The following UBE2D2 variants were observed in gnomAD, a reference collection of about 807,000 sequenced individuals.
UBE2D2 encodes the protein ubiquitin conjugating enzyme E2 D2.
In UBE2D2, 2 loss-of-function variants were observed where a neutral mutation model predicts 24.2. The ratio of observed to expected loss-of-function variants is 0.08; its 90% CI spans 0.03 to 0.26. The LOEUF (loss-of-function observed/expected upper bound fraction) is 0.26. UBE2D2 is among the 10% of genes least tolerant of loss of function. UBE2D2 has a pLI of 1.00. For synonymous variants in UBE2D2, 58 were observed against 56.5 expected (o/e 1.03, Z -0.12); for missense variants, 44 against 177.6 (o/e 0.25, Z 4.28).
At chr5:139,595,461 C>A (rs1753939048) in intron 1 of UBE2D2, among the ~76,000 whole-genome samples, 1 of 152,032 alleles carries the variant, frequency 6.6e-6, no homozygotes, top group African/African-American at 2.4e-5. Flanking sequence ...TCACTACAAC[C>A]TCTGCCTCCT....
chr5:139,574,341 C>G (rs560221862), intron 1 of UBE2D2, among the ~76,000 whole-genome samples: 1 of 150,576 alleles, frequency 6.6e-6, no homozygotes, highest in South Asian at 2.1e-4. Flanking sequence ...TACTATAATA[C>G]ATATTAGTAA....
chr5:139,550,436 C>G (rs552571087), intron 1 of UBE2D2, among the ~76,000 whole-genome samples: 3 of 152,208 alleles, frequency 2.0e-5, no homozygotes, highest in South Asian at 2.1e-4. Context: ...CCAATCAGCG[C>G]TCTGTAAAAT....
intron 1 of UBE2D2, among the ~76,000 whole-genome samples, chr5:139,578,452 G>A (rs1753528847): frequency 6.6e-6 from 1 of 151,812 alleles, no homozygotes; most frequent in African/African-American, 2.4e-5. Flanking sequence ...GTGTGTGTGT[G>A]TGTGTGTGTG....
At chr5:139,624,035 G>A (rs898223735) in intron 6 of UBE2D2, among the ~76,000 whole-genome samples, 2 of 152,098 alleles carry the variant, frequency 1.3e-5, no homozygotes, top group Admixed American at 6.5e-5. Context: ...AATGCCTTAT[G>A]CTTGGCTTTT....
Position 139,598,919 on chromosome 5 carries a change from C to CTTT in UBE2D2, c.25-1429_25-1427dup, listed in dbSNP as rs36027909. ...TCAGTCAGCCTTTTAAAATATATTC[C>CTTT]TTTTTTTTTTTTTTTTTTTTTTTTT... On this transcript the variant is annotated intron_variant, in intron 1 of 6. Coordinates refer to ENST00000398733, the MANE Select transcript of UBE2D2 (RefSeq NM_003339.3). 5.6e-4 allele frequency among the ~76,000 whole-genome samples: 43 copies of CTTT among 76,228 alleles called. 4 individuals are homozygous for CTTT. The highest frequency in any genetic ancestry group is 1.1e-3 in the African/African-American group (15 of 13,968). 50.0% of individuals were successfully genotyped at this position (76,228 alleles called of 152,430 possible).
intron 1 of UBE2D2, among the ~76,000 whole-genome samples, chr5:139,587,604 C>T (rs906071531): frequency 1.3e-4 from 18 of 136,376 alleles, no homozygotes; most frequent in Non-Finnish European, 1.2e-4. Flanking sequence ...ACTTGGGAGG[C>T]GGAGCTTGCA....
intron 1 of UBE2D2, among the ~76,000 whole-genome samples, chr5:139,549,579 G>A (rs1220240925): frequency 4.6e-5 from 7 of 152,300 alleles, no homozygotes; most frequent in East Asian, 3.9e-4. Flanking sequence ...GCACCTGCCC[G>A]CAGGGCAGGG....
intron 2 of UBE2D2, among the ~76,000 whole-genome samples, chr5:139,609,225 T>G (rs1164380181): frequency 6.6e-6 from 1 of 152,064 alleles, no homozygotes; most frequent in Non-Finnish European, 1.5e-5. Context: ...AATGGAAAAT[T>G]TAATTTTTTT....
chr5:139,592,406 GC>G (rs1753863168), intron 1 of UBE2D2, among the ~76,000 whole-genome samples: 1 of 151,950 alleles, frequency 6.6e-6, no homozygotes, highest in Non-Finnish European at 1.5e-5. Flanking sequence ...GCTCTGGTGT[GC>G]ATTATAATTC....
chr5:139,597,887 T>G (rs1043141766), intron 1 of UBE2D2, among the ~76,000 whole-genome samples: 1 of 152,216 alleles, frequency 6.6e-6, no homozygotes, highest in African/African-American at 2.4e-5. Context: ...ATCCAGAGCC[T>G]TCTTTTTATT....
At chr5:139,577,960 C>G (rs1335609675) in intron 1 of UBE2D2, among the ~76,000 whole-genome samples, 1 of 152,134 alleles carries the variant, frequency 6.6e-6, no homozygotes, top group Non-Finnish European at 1.5e-5. Flanking sequence ...TGGAGGAGAT[C>G]CTTGCGCAAA....
intron 2 of UBE2D2, among the ~76,000 whole-genome samples, chr5:139,613,710 TC>T (rs1460709545): frequency 1.3e-5 from 2 of 152,162 alleles, no homozygotes; most frequent in Non-Finnish European, 2.9e-5. Flanking sequence ...AGAAATTTTT[TC>T]TCCTTGTTAA....
intron 2 of UBE2D2, among the ~76,000 whole-genome samples, chr5:139,601,217 T>C (rs1464490588): frequency 6.6e-6 from 1 of 152,252 alleles, no homozygotes; most frequent in Non-Finnish European, 1.5e-5. Context: ...CATTTCAACA[T>C]AATTTTTTCC....
At chr5:139,543,116 C>A (rs766251245) in intron 1 of UBE2D2, among the ~76,000 whole-genome samples, 10 of 151,818 alleles carry the variant, frequency 6.6e-5, no homozygotes, top group Non-Finnish European at 1.2e-4. Flanking sequence ...AGGCTGGTCT[C>A]GAACTCCTGA....
At chr5:139,583,320 T>G (rs536797179) in intron 1 of UBE2D2, among the ~76,000 whole-genome samples, 1 of 152,176 alleles carries the variant, frequency 6.6e-6, no homozygotes, top group Non-Finnish European at 1.5e-5. Flanking sequence ...ATTTTTTAAG[T>G]GTTTTCACTA....
chr5:139,617,868 TACTCCAAAA>T (rs1754447558), intron 5 of UBE2D2, among the ~76,000 whole-genome samples: 1 of 152,206 alleles, frequency 6.6e-6, no homozygotes, highest in African/African-American at 2.4e-5. Context: ...TCCTTGTAAG[TACTCCAAAA>T]ACTGGGGATA....
chr5:139,532,353 AT>A (rs746107839), intron 1 of UBE2D2, among the ~76,000 whole-genome samples: 377 of 81,072 alleles, frequency 4.7e-3, no homozygotes, highest in Middle Eastern at 7.9e-3. Flanking sequence ...TAGTTTTCGT[AT>A]TTTTTTTTTT....
intron 1 of UBE2D2, among the ~76,000 whole-genome samples, chr5:139,555,309 G>C (rs1752966649): frequency 6.6e-6 from 1 of 151,902 alleles, no homozygotes; most frequent in South Asian, 2.1e-4. Context: ...CCAAAGTGTT[G>C]GGATTAAAGG....
chr5:139,586,633 T>A (rs1009336536), intron 1 of UBE2D2, among the ~76,000 whole-genome samples: 6 of 152,010 alleles, frequency 3.9e-5, no homozygotes, highest in Non-Finnish European at 5.9e-5. Context: ...GGCGTGGTGG[T>A]GGGTGCCTGT....
Sources: gnomAD v4.1 joint callset for allele counts (sites outside exome capture counted in the v4.1 genomes callset) on GRCh38, gnomAD v4.1.1 for gene constraint, MANE v1.5 for transcripts, NCBI Gene and HGNC (gene_info 2026-07-23, HGNC 2026-07-21) for gene names.